The following ZNF83 variants were observed in gnomAD, a reference collection of about 807,000 sequenced individuals.
ZNF83 encodes zinc finger protein 816B.
For missense variants in ZNF83, 552 were observed against 629.9 expected (o/e 0.88, Z 1.32); for synonymous variants, 209 against 213.0 (o/e 0.98, Z 0.17).
intron 1 of ZNF83, among the ~76,000 whole-genome samples, chr19:52,662,206 C>A (rs2061589871): frequency 6.6e-6 from 1 of 152,150 alleles, no homozygotes; most frequent in Non-Finnish European, 1.5e-5. Context: ...TAATGGAATT[C>A]ATTTCTCATT....
chr19:52,676,836 G>T (rs55917280), intron 1 of ZNF83, among the ~76,000 whole-genome samples: 36,635 of 122,950 alleles, frequency 0.3, 6,443 homozygotes, highest in African/African-American at 0.47. Flanking sequence ...CCCCCAACCC[G>T]GTGCTCTCTG....
chr19:52,639,341 C>T (rs1482709145), upstream of ZNF83, among the ~76,000 whole-genome samples: 3 of 151,678 alleles, frequency 2.0e-5, no homozygotes, highest in Non-Finnish European at 4.4e-5. Flanking sequence ...CCGCCTCGGC[C>T]TCCCAAAGTG....
rs2062062446 is a variant in ZNF83, at chr19:52,687,616, G to GTATATATATATATAATGTA, written c.-283+2808_-283+2826dup. On this transcript the variant is annotated intron_variant, in intron 1 of 5. Transcript: ENST00000594682. ...TATATAATGTATATATATATAATGT[G>GTATATATATATATAATGTA]TATATATATATATAATGTATATATA... Among the ~76,000 whole-genome samples, 8 of 15,822 alleles carry GTATATATATATATAATGTA rather than the reference G, an allele frequency of 5.1e-4. 1 individual carries two copies. Among genetic ancestry groups the GTATATATATATATAATGTA allele is most frequent in the Admixed American group, 2.8e-3 (4 of 1,444 alleles). 10.4% of individuals were successfully genotyped at this position (15,822 alleles called of 152,430 possible). A position where few individuals can be genotyped will look rare whatever the true frequency, so the allele number is the denominator to read the frequency against.
upstream of ZNF83, among the ~76,000 whole-genome samples, chr19:52,641,253 A>G (rs1326650848): frequency 6.6e-6 from 1 of 152,196 alleles, no homozygotes; most frequent in Non-Finnish European, 1.5e-5. Flanking sequence ...CAGAGTCCTA[A>G]GCAGAAATAT....
chr19:52,665,042 A>G (rs984787198), intron 1 of ZNF83, among the ~76,000 whole-genome samples: 1 of 152,214 alleles, frequency 6.6e-6, no homozygotes, highest in Non-Finnish European at 1.5e-5. Flanking sequence ...TGCAAACTAG[A>G]ATGCGAAATG....
chr19:52,638,699 C>T (rs879361156), upstream of ZNF83, among the ~76,000 whole-genome samples: 5 of 152,230 alleles, frequency 3.3e-5, no homozygotes, highest in Non-Finnish European at 5.9e-5. Flanking sequence ...AATAGAAATC[C>T]TCTCCCTTTC....
chr19:52,639,406 G>GTTTTTTCTTT (rs1288997681), upstream of ZNF83, among the ~76,000 whole-genome samples: 27 of 68,812 alleles, frequency 3.9e-4, no homozygotes, highest in Non-Finnish European at 4.8e-4. Context: ...TATATATTTA[G>GTTTTTTCTTT]TTTTTTCTAT....
chr19:52,619,748 T>C (rs890658073), intron 2 of ZNF83, among the ~76,000 whole-genome samples: 1 of 151,104 alleles, frequency 6.6e-6, no homozygotes, highest in African/African-American at 2.4e-5. Flanking sequence ...ATAGCCGGGC[T>C]CAATGGCACA....
intron 1 of ZNF83, among the ~76,000 whole-genome samples, chr19:52,663,558 T>C (rs1435308250): frequency 3.9e-5 from 6 of 152,224 alleles, no homozygotes; most frequent in African/African-American, 1.4e-4. Flanking sequence ...AATGGAGTAA[T>C]AGGCTACTTG....
chr19:52,644,165 T>C (rs113473824), intron 3 of ZNF83, among the ~76,000 whole-genome samples: 2,322 of 142,990 alleles, frequency 0.016, 53 homozygotes, highest in African/African-American at 0.054. Context: ...TACAACTCTG[T>C]TTCTTCCATT....
chr19:52,626,614 C>A (rs1300834500), intron 2 of ZNF83, among the ~76,000 whole-genome samples: 1 of 152,116 alleles, frequency 6.6e-6, no homozygotes, highest in East Asian at 1.9e-4. Context: ...TCATACAAAA[C>A]CACATTCAGA....
chr19:52,655,738 T>G (rs2061496064), intron 2 of ZNF83: 1 of 762,618 alleles, frequency 1.3e-6, no homozygotes, highest in Non-Finnish European at 2.3e-6. Flanking sequence ...GTCATTACCT[T>G]CACACAAAAT....
At chr19:52,614,152 C>T (rs2060220528) in exon 3 of ZNF83, 1 of 1,614,112 alleles carries the variant, frequency 6.2e-7, no homozygotes, top group Non-Finnish European at 8.5e-7. Flanking sequence ...TCTTTGATGA[C>T]TTGCAAGGTT....
chr19:52,679,343 G>A (rs905660263), intron 1 of ZNF83, among the ~76,000 whole-genome samples: 2 of 152,178 alleles, frequency 1.3e-5, no homozygotes, highest in Non-Finnish European at 2.9e-5. Flanking sequence ...AGGCATGGTG[G>A]CTCATGCCTG....
At chr19:52,618,908 C>T (rs776168732) in intron 2 of ZNF83, 1 of 1,544,200 alleles carries the variant, frequency 6.5e-7, no homozygotes, top group South Asian at 1.1e-5. Context: ...AGGGAACATC[C>T]CCACTTCTGG....
At chr19:52,639,092 G>T (rs570998148), upstream of ZNF83, among the ~76,000 whole-genome samples, 5 of 152,138 alleles carry the variant, frequency 3.3e-5, no homozygotes, top group Non-Finnish European at 7.4e-5. Flanking sequence ...TTGTGTAAGA[G>T]ATCTATCAGT....
chr19:52,664,919 T>C (rs1319907418), intron 1 of ZNF83, among the ~76,000 whole-genome samples: 1 of 152,088 alleles, frequency 6.6e-6, no homozygotes, highest in Non-Finnish European at 1.5e-5. Context: ...AGGGAAATAG[T>C]ACCTCCCTGA....
At chr19:52,683,264 GTGTGTGTGTGTGT>G (rs1195705047) in intron 1 of ZNF83, among the ~76,000 whole-genome samples, 3 of 89,352 alleles carry the variant, frequency 3.4e-5, no homozygotes, top group African/African-American at 1.2e-4. Context: ...GTGTGTGTGT[GTGTGTGTGTGTGT>G]GTGTATGCTC....
intron 2 of ZNF83, among the ~76,000 whole-genome samples, chr19:52,628,018 A>G (rs599097): frequency 0.78 from 119,295 of 152,008 alleles, 47,185 homozygotes; most frequent in African/African-American, 0.89. Flanking sequence ...ACTCCTGCCC[A>G]CCAGAGAACA....
Sources: allele counts gnomAD v4.1 joint callset (sites outside exome capture counted in the v4.1 genomes callset), GRCh38; gene constraint gnomAD v4.1.1; transcripts MANE v1.5; gene names NCBI Gene and HGNC (gene_info 2026-07-23, HGNC 2026-07-21).